MEOX1: variants seen among roughly 807,000 people sequenced by gnomAD.
MEOX1 encodes the protein homeobox protein MOX-1.
MEOX1 carries 17 observed loss-of-function variants against 23.2 expected under a neutral mutation model. That is an observed-to-expected ratio of 0.73 (90% CI 0.50 to 1.10). The LOEUF (loss-of-function observed/expected upper bound fraction) is 1.10. Among genes scored for constraint, MEOX1 ranks in the 50% least tolerant of loss-of-function variants. The pLI is 0.00. For missense variants in MEOX1, 333 were observed against 332.2 expected, an observed-to-expected ratio of 1.00 and a Z score of -0.02; for synonymous variants, 134 against 135.1, an observed-to-expected ratio of 0.99 and a Z score of 0.06.
chr17:43,650,554 C>T (rs1297208472), intron 1 of MEOX1, among the ~76,000 whole-genome samples: 1 of 152,186 alleles, frequency 6.6e-6, no homozygotes, highest in Non-Finnish European at 1.5e-5. Context: ...AGTATGGAGG[C>T]TGTGCCTATC....
At chr17:43,656,821 A>C (rs537450295) in intron 1 of MEOX1, among the ~76,000 whole-genome samples, 14 of 152,180 alleles carry the variant, frequency 9.2e-5, no homozygotes, top group African/African-American at 2.4e-4. Context: ...TTGGGGGAAA[A>C]CAACAGTGGC....
chr17:43,643,751 C>A, intron 1 of MEOX1, 91 bp from the exon 2 acceptor site: 1 of 960,182 alleles, frequency 1.0e-6, no homozygotes, highest in Non-Finnish European at 1.5e-6. Flanking sequence ...CAGTCTTTAC[C>A]AGTCTCCCTT....
intron 1 of MEOX1, among the ~76,000 whole-genome samples, chr17:43,657,046 C>CTTTCTTTCTTTCTTTCT (rs1555567847): frequency 7.3e-6 from 1 of 136,436 alleles, no homozygotes; most frequent in Admixed American, 7.5e-5. Flanking sequence ...TTCTTTCTTT[C>CTTTCTTTCTTTCTTTCT]TTTCTTTCTT....
Position 43,643,565 on chromosome 17 carries a change from C to T in MEOX1, c.565G>A (p.Glu189Lys). The change falls in exon 2 of 3, where the codon GAG becomes AAG. Residue 189 changes from glutamate to lysine, a missense_variant. Coordinates refer to ENST00000318579, the MANE Select transcript of MEOX1 (RefSeq NM_004527.4). ...TKEQLRELEA[E>K]FAHHNYLTRL... ...GTCAGGTAGTTATGATGGGCAAACT[C>T]TGCCTCCAGCTCTCGCAGCTGCTCC... The T allele has an allele frequency of 6.2e-7, 1 of 1,612,382 alleles. No homozygotes were observed. Among genetic ancestry groups the T allele is most frequent in the Non-Finnish European group, 8.5e-7 (1 of 1,179,436 alleles).
chr17:43,643,981 A>T (rs573566978), intron 1 of MEOX1, among the ~76,000 whole-genome samples: 138 of 144,668 alleles, frequency 9.5e-4, no homozygotes, highest in African/African-American at 3.4e-3. Context: ...CCCCAGCATG[A>T]CATTACTGGT....
chr17:43,657,910 G>A (rs1973068772), intron 1 of MEOX1, among the ~76,000 whole-genome samples: 1 of 152,270 alleles, frequency 6.6e-6, no homozygotes, highest in East Asian at 1.9e-4. Flanking sequence ...CTCTTACTAT[G>A]TGCCAGGCAC....
Position 43,643,503 on chromosome 17 carries a change from G to C in MEOX1, c.627C>G (p.Asp209Glu). The change falls in exon 2 of 3, where the codon GAC becomes GAG. Residue 209 changes from aspartate to glutamate, a missense_variant. Physicochemically the swap from Asp to Glu is conservative, Grantham distance 45. Coordinates refer to ENST00000318579, the MANE Select transcript of MEOX1 (RefSeq NM_004527.4). ...GGGGGCGCACCTGGCGCTCAGAGAGGTCCAGGTTTACCGCAATCTCATATC... is the reference window on the plus strand; with the variant it reads ...GGGGGCGCACCTGGCGCTCAGAGAGCTCCAGGTTTACCGCAATCTCATATC... ...LRRYEIAVNLDLSERQVKVWF... is the reference protein window; with the variant it reads ...LRRYEIAVNLELSERQVKVWF... 1 of 1,596,154 alleles carries C rather than the reference G, an allele frequency of 6.3e-7. No homozygotes were observed. The highest frequency in any genetic ancestry group is 8.5e-7 in the Non-Finnish European group (1 of 1,171,504).
In MEOX1 at chr17:43,661,130, C is replaced by G; in HGVS notation, c.405G>C (p.Gly135=). ...TCTCATTGGCAGTGCTCCCAAGCAC[C>G]CCGTAGTCATCGCCTGGGCCTCCTG... ...DTTGGPGDDY[G]VLGSTANETE... Residue 135 remains glycine, a synonymous_variant, in exon 1 of 3, where the codon GGG becomes GGC. Transcript: ENST00000318579. The G allele has an allele frequency of 6.5e-7, 1 of 1,538,454 alleles. No individual in the cohort carries two copies. The highest frequency in any genetic ancestry group is 8.7e-7 in the Non-Finnish European group (1 of 1,145,832).
chr17:43,648,865 C>T (rs1337969739), intron 1 of MEOX1, among the ~76,000 whole-genome samples: 8 of 152,172 alleles, frequency 5.3e-5, no homozygotes, highest in Admixed American at 3.3e-4. Flanking sequence ...TCTGCTGGGC[C>T]GTTTCTCTCT....
rs1567748403 is a variant in MEOX1 at position 43,657,052 on chromosome 17, T to TTCTTTCTTTCTTTCTTTCTTTCTTTC, written c.469+4013_469+4014insGAAAGAAAGAAAGAAAGAAAGAAAGA. Among the ~76,000 whole-genome samples, 4 of 141,200 alleles carry TTCTTTCTTTCTTTCTTTCTTTCTTTC rather than the reference T, an allele frequency of 2.8e-5. No individual in the cohort carries two copies. In the East Asian group the frequency reaches 8.1e-4, roughly 29 times the overall value. 92.6% of individuals were successfully genotyped at this position (141,200 alleles called of 152,430 possible). A position where few individuals can be genotyped will look rare whatever the true frequency, so the allele number is the denominator to read the frequency against. On this transcript the variant is annotated intron_variant, in intron 1 of 2. Transcript: ENST00000318579. ...TTTCTTTCTTTCTTTCTTTCTTTCT[T>TTCTTTCTTTCTTTCTTTCTTTCTTTC]TCTTTCCTTCCTTCCTTCTTTCTTT... is the stretch of plus-strand genomic sequence containing the variant.
Position 43,661,233 on chromosome 17 carries a change from G to T in MEOX1, c.302C>A (p.Ala101Asp), listed in dbSNP as rs183202008. 51 of 1,609,810 alleles carry T rather than the reference G, an allele frequency of 3.2e-5. No individual in the cohort carries two copies. In the East Asian group the frequency reaches 1.0e-3, roughly 32 times the overall value. ...SPNWHFPVSDARRRPNSGPAG... is the reference protein window; with the variant it reads ...SPNWHFPVSDDRRRPNSGPAG... Reference sequence around the variant, plus strand: ...CGGGCCTGAGTTGGGCCTGCGCCGGGCGTCTGAGACAGGGAAGTGCCAGTT... The same window carrying T: ...CGGGCCTGAGTTGGGCCTGCGCCGGTCGTCTGAGACAGGGAAGTGCCAGTT... The change falls in exon 1 of 3, where the codon GCC becomes GAC. Residue 101 changes from alanine (A) to aspartate (D), a missense_variant. Transcript: ENST00000318579.
chr17:43,659,442 C>A (rs1417005494), intron 1 of MEOX1, among the ~76,000 whole-genome samples: 1 of 152,220 alleles, frequency 6.6e-6, no homozygotes, highest in Non-Finnish European at 1.5e-5. Context: ...GAAGGGGCTT[C>A]TTCAAGCAGA....
intron 1 of MEOX1, among the ~76,000 whole-genome samples, chr17:43,660,377 G>A (rs911978602): frequency 2.0e-5 from 3 of 152,176 alleles, no homozygotes; most frequent in South Asian, 2.1e-4. Context: ...AGCTCCTTGC[G>A]GGGCTGCCTT....
Position 43,644,008 on chromosome 17 carries a change from G to A in MEOX1, c.470-348C>T, listed in dbSNP as rs555947260. ...ATTACTGGTGGCCATAAGCTTGAGG[G>A]GTGAGATGCTCTAAAACAAAGCCTC... On this transcript the variant is annotated intron_variant, in intron 1 of 2. Transcript: ENST00000318579. Among the ~76,000 whole-genome samples, 380 of 151,646 alleles carry A rather than the reference G, an allele frequency of 2.5e-3. 3 individuals are homozygous for A. The highest frequency in any genetic ancestry group is 8.8e-3 in the African/African-American group (364 of 41,288).
At chr17:43,653,647 C>G (rs1415030230) in intron 1 of MEOX1, among the ~76,000 whole-genome samples, 1 of 152,014 alleles carries the variant, frequency 6.6e-6, no homozygotes, top group Admixed American at 6.5e-5. Context: ...GTAGCTGGGA[C>G]TGTAGGCGCA....
chr17:43,651,756 C>T (rs897011844), intron 1 of MEOX1, among the ~76,000 whole-genome samples: 3 of 152,302 alleles, frequency 2.0e-5, no homozygotes, highest in Middle Eastern at 3.4e-3. Context: ...CCCAAGTGCC[C>T]GTGATTTATT....
rs1972746162 is a variant in MEOX1 at position 43,643,645 on chromosome 17, C to T, written c.485G>A (p.Arg162Lys). Reference protein sequence around the residue: ...RKESSDNQENRGKPEGSSKAR... With the variant: ...RKESSDNQENKGKPEGSSKAR... Reference sequence around the variant, plus strand: ...TTTGCTGCTGCCCTCCGGCTTCCCTCTGTTCTCCTGGTTGTCTGGGGAGAG... The same window carrying T: ...TTTGCTGCTGCCCTCCGGCTTCCCTTTGTTCTCCTGGTTGTCTGGGGAGAG... Residue 162 changes from arginine to lysine, a missense_variant, in exon 2 of 3, where the codon AGA becomes AAA. Coordinates refer to ENST00000318579, the MANE Select transcript of MEOX1 (RefSeq NM_004527.4). 1.2e-6 allele frequency: 2 copies of T among 1,613,200 alleles called. No homozygotes were observed. Among genetic ancestry groups the T allele is most frequent in the South Asian group, 2.2e-5 (2 of 90,696 alleles).
intron 1 of MEOX1, among the ~76,000 whole-genome samples, chr17:43,647,966 CTGTTGGAAA>C (rs1972841663): frequency 6.6e-6 from 1 of 152,178 alleles, no homozygotes; most frequent in South Asian, 2.1e-4. Flanking sequence ...ACGTTCACCA[CTGTTGGAAA>C]TGATGAAGGG....
chr17:43,656,951 C>G (rs1281514029), intron 1 of MEOX1, among the ~76,000 whole-genome samples: 1 of 151,832 alleles, frequency 6.6e-6, no homozygotes, highest in Non-Finnish European at 1.5e-5. Flanking sequence ...GGCCAGGAAC[C>G]CTGCTTTCTT....
Sources: gnomAD v4.1 joint callset for allele counts (sites outside exome capture counted in the v4.1 genomes callset) on GRCh38, gnomAD v4.1.1 for gene constraint, MANE v1.5 for transcripts, NCBI Gene and HGNC (gene_info 2026-07-23, HGNC 2026-07-21) for gene names.